WDR90: variants seen among roughly 807,000 people sequenced by gnomAD.
The protein encoded by WDR90 is WD repeat domain 90, also known as WD repeat-containing protein 90.
A neutral mutation model predicts 195.2 loss-of-function variants in WDR90; 238 were observed. The observed-to-expected ratio is 1.22, with a 90% CI of 1.10 to 1.36. The LOEUF (loss-of-function observed/expected upper bound fraction) is 1.36, where lower values mean the gene tolerates loss of function less well. Ranked by LOEUF, WDR90 falls within the 40% of genes most tolerant of loss-of-function variation. The pLI, the probability that WDR90 is intolerant of heterozygous loss-of-function variation, is 0.00. For missense variants in WDR90, 2,734 were observed against 2,439.5 expected (o/e 1.12, Z -2.54); for synonymous variants, 1,265 against 1,052.4 (o/e 1.20, Z -3.91).
At chr16:649,066 G>C (rs1353947772), upstream of WDR90, 1 of 271,370 alleles carries the variant, frequency 3.7e-6, no homozygotes, top group Non-Finnish European at 6.9e-6. Context: ...GCGCGACCTC[G>C]CCTCGCTGCT....
At chr16:660,452 G>A in intron 27 of WDR90, 160 bp from the exon 28 acceptor site, 1 of 747,024 alleles carries the variant, frequency 1.3e-6, no homozygotes, top group Non-Finnish European at 2.2e-6. Flanking sequence ...CTGGCACAGT[G>A]CCCACAGCTC....
chr16:656,629 T>C (rs1010340503), intron 18 of WDR90, 92 bp downstream of exon 18: 1 of 1,571,486 alleles, frequency 6.4e-7, no homozygotes, highest in Non-Finnish European at 8.6e-7. Context: ...TATAGGGACC[T>C]GGACTTTCCA....
intron 20 of WDR90, 25 bp downstream of exon 20, chr16:657,246 G>A: frequency 2.0e-6 from 3 of 1,528,314 alleles, no homozygotes; most frequent in Non-Finnish European, 2.6e-6. Context: ...AGCCACTCTG[G>A]GGGACTCCTC....
chr16:651,036 A>T lies in WDR90; in HGVS notation c.601A>T (p.Met201Leu). 6.2e-7 allele frequency: 1 copy of T among 1,613,154 alleles called. No individual in the cohort carries two copies. Among genetic ancestry groups the T allele is most frequent in the Non-Finnish European group, 8.5e-7 (1 of 1,179,798 alleles). Residue 201 changes from methionine (M) to leucine (L), a missense_variant, in exon 6 of 41, where the codon ATG (methionine) becomes TTG (leucine). Met to Leu is a conservative substitution (Grantham distance 15). Transcript: ENST00000293879. ...GTGGGCAAAGCTGCCCGTGACTCCT[A>T]TGCCTCGGGAAATGGCATTCCCTGT... ...AQWAKLPVTP[M>L]PREMAFPVPK...
At chr16:649,295 C>A, upstream of WDR90, 1 of 1,218,348 alleles carries the variant, frequency 8.2e-7, no homozygotes, top group South Asian at 2.3e-5. Flanking sequence ...CAGGGCGCCG[C>A]CATGACGGCG....
chr16:657,916 C>T (rs747798065), intron 21 of WDR90, 24 bp downstream of exon 21: 2 of 1,530,806 alleles, frequency 1.3e-6, no homozygotes, highest in Non-Finnish European at 1.8e-6. Flanking sequence ...CCTCCTGGGT[C>T]CAGGGAGACT....
Position 661,007 on chromosome 16 carries a change from C to CCG in WDR90, c.3392-43_3392-42insGC. 4 of 137,752 alleles carry CCG rather than the reference C, an allele frequency of 2.9e-5. 2 individuals carry two copies. The highest frequency in any genetic ancestry group is 1.4e-4 in the South Asian group (2 of 14,684). The allele number at this position is 137,752 out of a possible 1,614,324, so 8.5% of individuals were successfully genotyped here. ...CTCCCCAGGCCCCTCCCCGCCCCCC[C>CCG]CCCCCCCCGGCCCGGCCTCAGGCCC... On this transcript the variant is annotated intron_variant, in intron 28 of 40. Transcript: ENST00000293879.
chr16:656,191 G>C (rs997743872), intron 17 of WDR90, 111 bp from the exon 18 acceptor site: 2 of 1,057,646 alleles, frequency 1.9e-6, no homozygotes, highest in African/African-American at 3.1e-5. Context: ...GTGGAGCCTG[G>C]GACTTTGAGC....
rs764749839 is a variant in WDR90, at chr16:666,598, G to A, written c.4884G>A (p.Glu1628=). ...WLSFPMPATT[E]TQGHLPPSLA... is the part of the protein sequence containing the mutation. ...GTTTCCCAATGCCTGCCACCACGGA[G>A]GTAAACCATGCTCCTGGCACTGTGG... Residue 1628 remains glutamate (E), a splice_region_variant and synonymous_variant, in exon 38 of 41, where the codon GAG becomes GAA. Transcript: ENST00000293879. 27 of 1,612,246 alleles carry A rather than the reference G, an allele frequency of 1.7e-5. No individual in the cohort carries two copies. Among genetic ancestry groups the A allele is most frequent in the Middle Eastern group, 1.6e-4 (1 of 6,082 alleles).
Position 661,744 on chromosome 16 carries a change from C to T in WDR90, c.3821C>T (p.Thr1274Ile), listed in dbSNP as rs916095295. Residue 1274 changes from threonine (T) to isoleucine (I), a missense_variant, in exon 31 of 41, where the codon ACC (threonine) becomes ATC (isoleucine). Coordinates refer to ENST00000293879, the MANE Select transcript of WDR90 (RefSeq NM_145294.5). Reference protein sequence around the residue: ...ELTCVGQGTVTFWLLQQRGAD... With the variant: ...ELTCVGQGTVIFWLLQQRGAD... Reference sequence around the variant, plus strand: ...ACCTGTGTGGGCCAGGGCACTGTCACCTTCTGGCTCCTTCAGCAGCGTGGG... The same window carrying T: ...ACCTGTGTGGGCCAGGGCACTGTCATCTTCTGGCTCCTTCAGCAGCGTGGG... The T allele has an allele frequency of 3.7e-6, 6 of 1,610,016 alleles. No individual in the cohort carries two copies. In the Middle Eastern group the frequency reaches 6.6e-4, roughly 178 times the overall value.
chr16:660,384 C>G (rs759055712), intron 27 of WDR90, among the ~76,000 whole-genome samples: 34 of 152,228 alleles, frequency 2.2e-4, no homozygotes, highest in South Asian at 2.1e-4. Flanking sequence ...CCTGCCTTCC[C>G]CTCTCACCCA....
chr16:653,421 G>A lies in WDR90; in HGVS notation c.1203G>A (p.Glu401=), dbSNP rs1252125539. The A allele has an allele frequency of 4.3e-6, 7 of 1,611,530 alleles. No homozygotes were observed. Among genetic ancestry groups the A allele is most frequent in the African/African-American group, 1.3e-5 (1 of 74,854 alleles). ...TCGTCCTGCTCGTGGACACGGGGGA[G>A]CAGCGCTTCTTCCTTGGCCACACAG... ...VIVVLLVDTG[E]QRFFLGHTDK... is the part of the protein sequence containing the mutation. The change falls in exon 11 of 41, where the codon GAG becomes GAA. Residue 401 remains glutamate, a synonymous_variant. Transcript: ENST00000293879.
intron 22 of WDR90, 37 bp downstream of exon 22, chr16:658,381 C>A: frequency 6.2e-7 from 1 of 1,606,972 alleles, no homozygotes; most frequent in East Asian, 2.2e-5. Flanking sequence ...ACCTGGCCCT[C>A]CCTGTGCTGT....
chr16:651,102 C>T lies in WDR90; in HGVS notation c.667C>T (p.Arg223Trp), dbSNP rs368365485. 1.5e-5 allele frequency: 21 copies of T among 1,403,438 alleles called. No homozygotes were observed. Among genetic ancestry groups the T allele is most frequent in the East Asian group, 1.1e-4 (3 of 28,208 alleles). The allele number at this position is 1,403,438 out of a possible 1,614,324, so 86.9% of individuals were successfully genotyped here. The change falls in exon 6 of 41, where the codon CGG (arginine) becomes TGG (tryptophan). Residue 223 changes from arginine to tryptophan, a missense_variant and splice_region_variant. By Grantham distance (101) the Arg-to-Trp change is moderately radical. Coordinates refer to ENST00000293879, the MANE Select transcript of WDR90 (RefSeq NM_145294.5). ...ESWHDRYIHV[R>W]FPSESLKVPS... Reference sequence around the variant, plus strand: ...CTGGCATGACCGCTACATCCACGTCCGGTGAGTGGTTCTGCTTCTTTCGAG... The same window carrying T: ...CTGGCATGACCGCTACATCCACGTCTGGTGAGTGGTTCTGCTTCTTTCGAG...
At chr16:652,206 C>A in intron 9 of WDR90, 167 bp downstream of exon 9, 1 of 907,016 alleles carries the variant, frequency 1.1e-6, no homozygotes, top group African/African-American at 1.7e-5. Flanking sequence ...GGAAGAATCT[C>A]TGTCCACAAA....
intron 1 of WDR90, 38 bp from the exon 2 acceptor site, chr16:649,725 G>C (rs1368354436): frequency 1.3e-6 from 2 of 1,535,282 alleles, no homozygotes; most frequent in Non-Finnish European, 1.8e-6. Context: ...CGGCTCGCGT[G>C]GCCGAGTCCC....
At chr16:660,570 C>T in intron 27 of WDR90, 42 bp from the exon 28 acceptor site, 1 of 1,536,384 alleles carries the variant, frequency 6.5e-7, no homozygotes, top group South Asian at 1.2e-5. Context: ...GCACAGGTGG[C>T]CATGCTGGGC....
rs2037689757 is a variant in WDR90 at position 653,679 on chromosome 16, A to G, written c.1379+9A>G. 1.2e-6 allele frequency: 2 copies of G among 1,613,060 alleles called. No individual in the cohort carries two copies. Among genetic ancestry groups the G allele is most frequent in the East Asian group, 2.2e-5 (1 of 44,862 alleles). Reference sequence around the variant, plus strand: ...GTTGTCTGCTCTCTCAGGTGAGCACAGGTCTGCCCCATGCAGGGGGAGGGG... The same window carrying G: ...GTTGTCTGCTCTCTCAGGTGAGCACGGGTCTGCCCCATGCAGGGGGAGGGG... On this transcript the variant is annotated intron_variant, in intron 12 of 40. Coordinates refer to ENST00000293879, the MANE Select transcript of WDR90 (RefSeq NM_145294.5).
chr16:659,632 A>T (rs2037850896), intron 26 of WDR90, among the ~76,000 whole-genome samples: 1 of 151,916 alleles, frequency 6.6e-6, no homozygotes, highest in South Asian at 2.1e-4. Context: ...TCCCCGTCAG[A>T]TGAGGAAGGA....
Sources: allele counts gnomAD v4.1 joint callset (sites outside exome capture counted in the v4.1 genomes callset), GRCh38; gene constraint gnomAD v4.1.1; transcripts MANE v1.5; gene names NCBI Gene and HGNC (gene_info 2026-07-23, HGNC 2026-07-21).